Variants in SHANK2 observed in about 807,000 individuals in gnomAD.
The protein encoded by SHANK2 is SH3 and multiple ankyrin repeat domains 2.
A neutral mutation model predicts 133.7 loss-of-function variants in SHANK2; 43 were observed. The observed-to-expected ratio is 0.32, with a 90% CI of 0.25 to 0.41. The LOEUF (loss-of-function observed/expected upper bound fraction) is 0.41, where lower values mean the gene tolerates loss of function less well. SHANK2 is among the 10% of genes least tolerant of loss of function. The probability of loss-of-function intolerance (pLI) is 1.00; values close to 1 mark genes in which losing one functional copy is unlikely to be tolerated. For missense variants in SHANK2, 1,994 were observed against 2,235.8 expected, an observed-to-expected ratio of 0.89 and a Z score of 2.18; for synonymous variants, 1,017 against 952.8, an observed-to-expected ratio of 1.07 and a Z score of -1.24.
At position 70,830,898 on chromosome 11, in the gene SHANK2, G is replaced by A. The variant is rs925394178; in HGVS notation, c.1175-10216C>T. On this transcript the variant is annotated intron_variant, in intron 11 of 25. Coordinates refer to ENST00000601538, the MANE Select transcript of SHANK2 (RefSeq NM_012309.5). This position sits in a 1 kb window ranked among gnomAD's most constrained non-coding sequence, Gnocchi z 4.4. Reference sequence around the variant, plus strand: ...GGTTTCCACGCATTGGAGCCCAAATGCCCACAGCATGGCTGAGCACTCCCT... The same window carrying A: ...GGTTTCCACGCATTGGAGCCCAAATACCCACAGCATGGCTGAGCACTCCCT... Among the ~76,000 whole-genome samples, 2 of 152,190 alleles carry A rather than the reference G, an allele frequency of 1.3e-5. No individual in the cohort carries two copies. The highest frequency in any genetic ancestry group is 2.9e-5 in the Non-Finnish European group (2 of 68,030).
Position 70,944,701 on chromosome 11 carries a change from C to G in SHANK2, c.1108-48134G>C, listed in dbSNP as rs1565420617. 2.0e-5 allele frequency among the ~76,000 whole-genome samples: 3 copies of G among 152,256 alleles called. No individual in the cohort carries two copies. In the Middle Eastern group the frequency reaches 0.01, roughly 518 times the overall value. On this transcript the variant is annotated intron_variant, in intron 10 of 25. Transcript: ENST00000601538. ...CTGGGGGTGTCTTCTCACACCAGGGCCCTTTCAACTGGGAATCACATCCAT... is the reference window on the plus strand; with the variant it reads ...CTGGGGGTGTCTTCTCACACCAGGGGCCTTTCAACTGGGAATCACATCCAT...
chr11:70,865,787 C>A (rs569368658), intron 11 of SHANK2, among the ~76,000 whole-genome samples: 5 of 152,332 alleles, frequency 3.3e-5, no homozygotes, highest in African/African-American at 7.2e-5. Context: ...TAGATAGATT[C>A]ATTCATTCAT....
At chr11:70,814,927 C>A (rs1170187241) in intron 12 of SHANK2, among the ~76,000 whole-genome samples, 2 of 150,486 alleles carry the variant, frequency 1.3e-5, no homozygotes, top group East Asian at 2.0e-4. Context: ...GGAAGGCCAA[C>A]CAGCCCCTTG....
intron 11 of SHANK2, among the ~76,000 whole-genome samples, chr11:70,889,452 G>A (rs745415426): frequency 7.5e-4 from 114 of 152,148 alleles, no homozygotes; most frequent in Non-Finnish European, 1.2e-3. Flanking sequence ...TGGCAGCCCC[G>A]GGAACCGGGT....
chr11:70,917,506 G>T (rs115442025), intron 10 of SHANK2, among the ~76,000 whole-genome samples: 1 of 152,160 alleles, frequency 6.6e-6, no homozygotes, highest in Non-Finnish European at 1.5e-5. Context: ...CCATTACGGG[G>T]TATATACACA....
chr11:70,498,444 T>C (rs1191641488), intron 21 of SHANK2, among the ~76,000 whole-genome samples: 1 of 152,174 alleles, frequency 6.6e-6, no homozygotes, highest in African/African-American at 2.4e-5. Flanking sequence ...TTCCAAGGGC[T>C]AGAGTCTGAA....
At chr11:70,948,994 C>T (rs1223796444) in intron 10 of SHANK2, among the ~76,000 whole-genome samples, 9 of 152,136 alleles carry the variant, frequency 5.9e-5, no homozygotes, top group Non-Finnish European at 1.2e-4. Flanking sequence ...ATCAACCAAA[C>T]GAGAGCTGGG....
chr11:70,757,699 G>A (rs746734344), intron 14 of SHANK2, among the ~76,000 whole-genome samples: 1 of 152,198 alleles, frequency 6.6e-6, no homozygotes, highest in Non-Finnish European at 1.5e-5. Flanking sequence ...ATGGATGCCT[G>A]CAGACTCCGC....
intron 2 of SHANK2, among the ~76,000 whole-genome samples, chr11:71,150,979 C>G (rs1555107952): frequency 6.6e-6 from 1 of 152,142 alleles, no homozygotes. Context: ...GCTCCCGCCT[C>G]CTGAGCCCAC....
intron 14 of SHANK2, among the ~76,000 whole-genome samples, chr11:70,744,353 C>T (rs1370267089): frequency 6.6e-6 from 1 of 152,178 alleles, no homozygotes; most frequent in East Asian, 1.9e-4. Flanking sequence ...CACTGAGACC[C>T]ATGTGGGGAA....
intron 11 of SHANK2, among the ~76,000 whole-genome samples, chr11:70,832,473 G>A (rs1948739914): frequency 6.6e-6 from 1 of 152,200 alleles, no homozygotes; most frequent in African/African-American, 2.4e-5. Flanking sequence ...GGAGCCAGGA[G>A]CCTCCCAGCT....
chr11:71,098,131 ACATGCCTGTGTGCATG>A (rs1230177480), intron 6 of SHANK2, among the ~76,000 whole-genome samples: 30 of 135,576 alleles, frequency 2.2e-4, no homozygotes, highest in East Asian at 6.8e-4. Flanking sequence ...ATGTATGTGT[ACATGCCTGTGTGCATG>A]CATGCCTGTG....
chr11:70,501,755 C>A (rs1257954089), intron 20 of SHANK2, among the ~76,000 whole-genome samples, 168 bp downstream of exon 20: 1 of 150,744 alleles, frequency 6.6e-6, no homozygotes, highest in East Asian at 2.0e-4. Context: ...ACTGCTCTGC[C>A]AAGCCCACGC....
intron 14 of SHANK2, among the ~76,000 whole-genome samples, chr11:70,712,451 C>T (rs562214675): frequency 6.6e-6 from 1 of 152,346 alleles, no homozygotes; most frequent in Non-Finnish European, 1.5e-5. Flanking sequence ...CCCTGTCAGA[C>T]AGCACAGCTG....
intron 11 of SHANK2, among the ~76,000 whole-genome samples, chr11:70,853,287 C>T (rs553371842): frequency 5.5e-4 from 84 of 152,338 alleles, no homozygotes; most frequent in African/African-American, 2.0e-3. Context: ...GGCGTCCCGG[C>T]GCCTCCCACG....
rs1169069654 is a variant in SHANK2, at chr11:71,175,183, G to A, written c.-12-27845C>T. Among the ~76,000 whole-genome samples, 7 of 152,166 alleles carry A rather than the reference G, an allele frequency of 4.6e-5. No individual in the cohort carries two copies. The highest frequency in any genetic ancestry group is 2.1e-4 in the South Asian group (1 of 4,826). ...AGGAGGGCAAGAGACAAAACCCATC[G>A]TCTTCGCCAGTGCTTCCTCGGCACC... On this transcript the variant is annotated intron_variant, in intron 2 of 25. Coordinates refer to ENST00000601538, the MANE Select transcript of SHANK2 (RefSeq NM_012309.5). The surrounding 1 kb of genome is among the most constrained non-coding windows in gnomAD (Gnocchi z 4.2).
chr11:70,684,869 T>C (rs112196189), intron 15 of SHANK2, among the ~76,000 whole-genome samples: 2,995 of 152,020 alleles, frequency 0.02, 74 homozygotes, highest in African/African-American at 0.058. Flanking sequence ...GTGTACCCTT[T>C]AGGAAGAAGA....
chr11:70,609,705 T>A (rs4489771), intron 17 of SHANK2, among the ~76,000 whole-genome samples: 1 of 100,628 alleles, frequency 9.9e-6, no homozygotes, highest in East Asian at 2.7e-4. Flanking sequence ...TATTGTATAT[T>A]CATATACTAT....
chr11:70,729,327 A>ATACACATGTCCAGC, intron 14 of SHANK2, among the ~76,000 whole-genome samples: 1 of 152,128 alleles, frequency 6.6e-6, no homozygotes, highest in African/African-American at 2.4e-5. Flanking sequence ...ACATGTCCAG[A>ATACACATGTCCAGC]TACACATGTC....
Sources: allele counts gnomAD v4.1 joint callset (sites outside exome capture counted in the v4.1 genomes callset), GRCh38; gene constraint gnomAD v4.1.1; non-coding constraint Gnocchi (gnomAD v3.1); transcripts MANE v1.5; gene names NCBI Gene and HGNC (gene_info 2026-07-23, HGNC 2026-07-21).